The following CCR5AS variants were observed in gnomAD, a reference collection of about 807,000 sequenced individuals.
The protein encoded by CCR5AS is CCR5 antisense RNA.
intron 3 of CCR5AS, among the ~76,000 whole-genome samples, chr3:46,369,971 C>A (rs1466534138): frequency 2.6e-5 from 4 of 152,144 alleles, no homozygotes; most frequent in African/African-American, 9.7e-5. Flanking sequence ...GCCCAGAGGG[C>A]ATCTTGTGGC....
intron 2 of CCR5AS, chr3:46,373,950 G>A (rs1701715754): frequency 1.3e-6 from 2 of 1,560,746 alleles, no homozygotes; most frequent in African/African-American, 2.7e-5. Context: ...GGAAATATCT[G>A]TGGGCTTGTG....
At chr3:46,405,507 C>T (rs1317064112) in intron 1 of CCR5AS, among the ~76,000 whole-genome samples, 4 of 152,090 alleles carry the variant, frequency 2.6e-5, no homozygotes, top group African/African-American at 4.8e-5. Flanking sequence ...TAAAGCTGCC[C>T]GCACCTACTC....
At chr3:46,393,297 C>G (rs1234286983) in intron 1 of CCR5AS, among the ~76,000 whole-genome samples, 1 of 151,560 alleles carries the variant, frequency 6.6e-6, no homozygotes, top group Admixed American at 6.6e-5. Context: ...CAGGAGCGGC[C>G]TATTTTCACT....
intron 3 of CCR5AS, chr3:46,370,788 C>A (rs1184375235): frequency 6.6e-6 from 1 of 152,198 alleles, no homozygotes; most frequent in African/African-American, 2.4e-5. Context: ...GAGATCTATT[C>A]TCTAGCTTAT....
chr3:46,400,266 C>G (rs1701995722), intron 1 of CCR5AS, among the ~76,000 whole-genome samples: 1 of 152,184 alleles, frequency 6.6e-6, no homozygotes, highest in Non-Finnish European at 1.5e-5. Context: ...GCTGGGATTA[C>G]AAGCTTGAGC....
chr3:46,376,530 A>C (rs955807479), intron 2 of CCR5AS, among the ~76,000 whole-genome samples: 3 of 152,306 alleles, frequency 2.0e-5, no homozygotes, highest in Middle Eastern at 3.4e-3. Flanking sequence ...GCCATGTTTT[A>C]AAAAAGAGAA....
chr3:46,368,448 G>A (rs1701621564), intron 3 of CCR5AS, among the ~76,000 whole-genome samples: 2 of 152,148 alleles, frequency 1.3e-5, no homozygotes, highest in African/African-American at 4.8e-5. Flanking sequence ...AATTTCCCAT[G>A]GGTCCCCACT....
intron 1 of CCR5AS, among the ~76,000 whole-genome samples, chr3:46,403,554 C>G (rs1702019680): frequency 6.6e-6 from 1 of 152,194 alleles, no homozygotes; most frequent in African/African-American, 2.4e-5. Context: ...GCACAGCAGC[C>G]AAGGAAGGGG....
chr3:46,395,506 A>C (rs1198065954), intron 1 of CCR5AS, among the ~76,000 whole-genome samples: 1 of 152,180 alleles, frequency 6.6e-6, no homozygotes, highest in Admixed American at 6.5e-5. Context: ...TGTGGGAGTA[A>C]GAGGAAGTGT....
chr3:46,368,896 C>T (rs899868572), intron 3 of CCR5AS, among the ~76,000 whole-genome samples: 1 of 152,170 alleles, frequency 6.6e-6, no homozygotes, highest in Non-Finnish European at 1.5e-5. Flanking sequence ...AAGTAAGAAC[C>T]AGCAATTGCC....
At chr3:46,382,186 CA>C (rs1337385634) in intron 2 of CCR5AS, among the ~76,000 whole-genome samples, 1 of 152,196 alleles carries the variant, frequency 6.6e-6, no homozygotes, top group African/African-American at 2.4e-5. Flanking sequence ...TTTTCTTTGT[CA>C]ACCAAGTGTA....
intron 2 of CCR5AS, among the ~76,000 whole-genome samples, chr3:46,387,455 G>T (rs1437701658): frequency 1.3e-5 from 2 of 152,160 alleles, no homozygotes; most frequent in African/African-American, 4.8e-5. Flanking sequence ...TGGACACAAA[G>T]TCCCCACTTT....
intron 2 of CCR5AS, chr3:46,372,789 A>G: frequency 2.6e-6 from 2 of 771,582 alleles, no homozygotes; most frequent in South Asian, 3.9e-5. Context: ...ACATCTATGT[A>G]GGCAATTAAA....
At chr3:46,369,941 C>T (rs550991942) in intron 3 of CCR5AS, among the ~76,000 whole-genome samples, 1 of 152,236 alleles carries the variant, frequency 6.6e-6, no homozygotes, top group East Asian at 1.9e-4. Flanking sequence ...GCTTTTTATT[C>T]TAGAGCCAAG....
intron 1 of CCR5AS, among the ~76,000 whole-genome samples, chr3:46,399,523 T>C (rs765517278): frequency 2.0e-5 from 3 of 152,182 alleles, no homozygotes; most frequent in Non-Finnish European, 4.4e-5. Flanking sequence ...TTGTAATCTT[T>C]ATTTAAGGGA....
intron 2 of CCR5AS, among the ~76,000 whole-genome samples, chr3:46,377,308 C>T (rs953126016): frequency 6.6e-6 from 1 of 152,216 alleles, no homozygotes. Context: ...TCACGACCTT[C>T]AGGATCTGAC....
chr3:46,388,408 A>C (rs1197484665), intron 2 of CCR5AS, among the ~76,000 whole-genome samples: 1 of 152,198 alleles, frequency 6.6e-6, no homozygotes, highest in East Asian at 1.9e-4. Context: ...TGAGAAACTA[A>C]ACGGAAGACA....
rs1701707056 is a variant in CCR5AS at position 46,373,723 on chromosome 3, G to A, written n.392-2306C>T. On this transcript the variant is annotated intron_variant and non_coding_transcript_variant, in intron 2 of 3. Coordinates refer to ENST00000451485, the Ensembl canonical transcript of CCR5AS. Reference sequence around the variant, plus strand: ...CTGAATAATTGCAGTAGCTCTAACAGGTTGGACCAAGCTATGCAGGTGACA... The same window carrying A: ...CTGAATAATTGCAGTAGCTCTAACAAGTTGGACCAAGCTATGCAGGTGACA... The A allele has an allele frequency of 6.2e-7, 1 of 1,613,978 alleles. No individual in the cohort carries two copies. Among genetic ancestry groups the A allele is most frequent in the African/African-American group, 1.3e-5 (1 of 74,914 alleles).
chr3:46,376,238 T>C (rs2106755521), intron 2 of CCR5AS: 1 of 157,788 alleles, frequency 6.3e-6, no homozygotes, highest in African/African-American at 2.4e-5. Context: ...CAGTCAAGTG[T>C]ACATTTAGAG....
Sources: gnomAD v4.1 joint callset for allele counts (sites outside exome capture counted in the v4.1 genomes callset) on GRCh38, gnomAD v4.1.1 for gene constraint, MANE v1.5 for transcripts, NCBI Gene and HGNC (gene_info 2026-07-23, HGNC 2026-07-21) for gene names.